The following SMPDL3A variants were observed in gnomAD, a reference collection of about 807,000 sequenced individuals.
SMPDL3A encodes the protein cyclic GMP-AMP phosphodiesterase SMPDL3A.
A neutral mutation model predicts 38.5 loss-of-function variants in SMPDL3A; 39 were observed. The ratio of observed to expected loss-of-function variants is 1.01; its 90% CI spans 0.78 to 1.32. The LOEUF (loss-of-function observed/expected upper bound fraction) is 1.32, where lower values mean the gene tolerates loss of function less well. Ranked by LOEUF, SMPDL3A falls within the 40% of genes most tolerant of loss-of-function variation. The pLI, the probability that SMPDL3A is intolerant of heterozygous loss-of-function variation, is 0.00. For synonymous variants in SMPDL3A, 180 were observed against 194.3 expected (o/e 0.93, Z 0.61); for missense variants, 502 against 536.2 (o/e 0.94, Z 0.63).
intron 1 of SMPDL3A, chr6:122,789,707 C>T (rs1451643015): frequency 5.5e-6 from 3 of 541,694 alleles, no homozygotes; most frequent in Non-Finnish European, 4.7e-6. Flanking sequence ...GGTGGGGGCG[C>T]TCCAAGGGCG....
chr6:122,808,034 A>G (rs1412007058), intron 7 of SMPDL3A, among the ~76,000 whole-genome samples: 2 of 152,192 alleles, frequency 1.3e-5, no homozygotes, highest in African/African-American at 4.8e-5. Context: ...ATGTAGGAAG[A>G]TTCTCCTGAT....
intron 5 of SMPDL3A, among the ~76,000 whole-genome samples, chr6:122,804,095 C>G (rs567152029): frequency 6.6e-6 from 1 of 151,404 alleles, no homozygotes; most frequent in East Asian, 2.0e-4. Context: ...TGAAGCGATT[C>G]TCCTGCCTCT....
chr6:122,789,378 T>G lies in SMPDL3A; in HGVS notation c.32T>G (p.Leu11Arg), dbSNP rs1780980713. 2 of 1,548,806 alleles carry G rather than the reference T, an allele frequency of 1.3e-6. No individual in the cohort carries two copies. Among genetic ancestry groups the G allele is most frequent in the Non-Finnish European group, 1.7e-6 (2 of 1,146,266 alleles). The change falls in exon 1 of 8, where the codon CTG becomes CGG. Residue 11 changes from leucine (L) to arginine (R), a missense_variant. Coordinates refer to ENST00000368440, the MANE Select transcript of SMPDL3A (RefSeq NM_006714.5). ...CTGGTGCGCGCACTCGTCTGCTGCC[T>G]GCTGACTGCCTGGCACTGCCGCTCC... is the stretch of plus-strand genomic sequence containing the variant. MALVRALVCC[L>R]LTAWHCRSGL...
intron 3 of SMPDL3A, 49 bp downstream of exon 3, chr6:122,797,017 T>C: frequency 6.6e-7 from 1 of 1,526,236 alleles, no homozygotes; most frequent in Non-Finnish European, 9.0e-7. Context: ...TTCCTATTAG[T>C]AGTGTCAAAA....
At chr6:122,802,556 T>C (rs1208653573) in intron 4 of SMPDL3A, among the ~76,000 whole-genome samples, 1 of 152,164 alleles carries the variant, frequency 6.6e-6, no homozygotes, top group African/African-American at 2.4e-5. Context: ...CTTATGCAGG[T>C]TGAAGGGAGA....
chr6:122,799,424 C>T (rs182180925), intron 3 of SMPDL3A, among the ~76,000 whole-genome samples: 10 of 152,324 alleles, frequency 6.6e-5, no homozygotes. Context: ...TCTAACTTCT[C>T]TGGTGCTTGT....
intron 2 of SMPDL3A, 99 bp from the exon 3 acceptor site, chr6:122,796,725 T>C: frequency 1.1e-6 from 1 of 888,688 alleles, no homozygotes; most frequent in Non-Finnish European, 1.7e-6. Context: ...TGTTTTAAAA[T>C]GGAAGTCTGC....
At chr6:122,795,328 A>G (rs1200519475) in intron 1 of SMPDL3A, among the ~76,000 whole-genome samples, 1 of 152,112 alleles carries the variant, frequency 6.6e-6, no homozygotes, top group African/African-American at 2.4e-5. Flanking sequence ...TTTTTGGTAG[A>G]GATGGGGTTT....
At chr6:122,802,197 T>A (rs893841844) in intron 4 of SMPDL3A, among the ~76,000 whole-genome samples, 1 of 5,670 alleles carries the variant, frequency 1.8e-4, no homozygotes, top group South Asian at 0.038. Context: ...TATCTAGTCT[T>A]TTTTTTTTTT....
chr6:122,808,750 C>T (rs974925680), intron 7 of SMPDL3A, among the ~76,000 whole-genome samples: 4 of 151,386 alleles, frequency 2.6e-5, no homozygotes, highest in Non-Finnish European at 4.4e-5. Flanking sequence ...CTCGCAATCC[C>T]GGCTCACCGC....
In SMPDL3A at chr6:122,809,318, T is replaced by TA; in HGVS notation, c.1274dup (p.Ala426GlyfsTer11). 1 of 1,613,928 alleles carries TA rather than the reference T, an allele frequency of 6.2e-7. No individual in the cohort carries two copies. Among genetic ancestry groups the TA allele is most frequent in the Non-Finnish European group, 8.5e-7 (1 of 1,179,822 alleles). On this transcript the variant is annotated frameshift_variant, in exon 8 of 8. Coordinates refer to ENST00000368440, the MANE Select transcript of SMPDL3A (RefSeq NM_006714.5). LOFTEE classifies it low-confidence loss of function (END_TRUNC). Reference sequence around the variant, plus strand: ...GCAGTGTAACATGTGATAAGACATGTAAGGCCTTTCAGATTTGTGCAATTA... The same window carrying TA: ...GCAGTGTAACATGTGATAAGACATGTAAAGGCCTTTCAGATTTGTGCAATTA...
chr6:122,792,182 T>TC (rs1781100233), intron 1 of SMPDL3A, among the ~76,000 whole-genome samples: 1 of 152,154 alleles, frequency 6.6e-6, no homozygotes, highest in African/African-American at 2.4e-5. Context: ...TATTCATGAG[T>TC]CCCAGGTTAA....
chr6:122,797,782 T>C (rs1221472521), intron 3 of SMPDL3A, among the ~76,000 whole-genome samples: 1 of 152,218 alleles, frequency 6.6e-6, no homozygotes, highest in Non-Finnish European at 1.5e-5. Flanking sequence ...TGTTTCATGT[T>C]TCAGAATAGA....
intron 5 of SMPDL3A, among the ~76,000 whole-genome samples, chr6:122,804,230 A>G (rs1582554885): frequency 6.6e-6 from 1 of 151,416 alleles, no homozygotes. Context: ...TAGGTGATCC[A>G]CCCACCTCGG....
At chr6:122,799,815 T>A (rs1005071409) in intron 3 of SMPDL3A, among the ~76,000 whole-genome samples, 1 of 152,120 alleles carries the variant, frequency 6.6e-6, no homozygotes, top group Non-Finnish European at 1.5e-5. Context: ...TAAACTCCTC[T>A]CAGAAATAGG....
At chr6:122,789,919 A>C in intron 1 of SMPDL3A, 1 of 953,064 alleles carries the variant, frequency 1.0e-6, no homozygotes, top group Non-Finnish European at 1.2e-6. Flanking sequence ...AGTAAATTTC[A>C]GCGTGACTCA....
At chr6:122,795,146 G>A (rs187570141) in intron 1 of SMPDL3A, among the ~76,000 whole-genome samples, 102 of 151,666 alleles carry the variant, frequency 6.7e-4, no homozygotes, top group Non-Finnish European at 1.2e-3. Flanking sequence ...TGAGCTCATC[G>A]GTTCTTTTTT....
At chr6:122,792,634 TC>T (rs139738644) in intron 1 of SMPDL3A, among the ~76,000 whole-genome samples, 11 of 146,498 alleles carry the variant, frequency 7.5e-5, no homozygotes, top group Admixed American at 5.5e-4. Flanking sequence ...TTCTTCTTCT[TC>T]CCCTTTTTTT....
chr6:122,799,164 G>A (rs1781345202), intron 3 of SMPDL3A, among the ~76,000 whole-genome samples: 2 of 152,308 alleles, frequency 1.3e-5, no homozygotes, highest in South Asian at 4.1e-4. Flanking sequence ...GTAGGTATCA[G>A]TGTGGACATC....
Sources: allele counts gnomAD v4.1 joint callset (sites outside exome capture counted in the v4.1 genomes callset), GRCh38; gene constraint gnomAD v4.1.1; transcripts MANE v1.5; gene names NCBI Gene and HGNC (gene_info 2026-07-23, HGNC 2026-07-21).